The following PIGN variants were observed in gnomAD, a reference collection of about 807,000 sequenced individuals.
PIGN encodes the protein GPI ethanolamine phosphate transferase 1.
A neutral mutation model predicts 125.4 loss-of-function variants in PIGN; 117 were observed. The ratio of observed to expected loss-of-function variants is 0.93; its 90% CI spans 0.80 to 1.09. The LOEUF (loss-of-function observed/expected upper bound fraction) is 1.09, where lower values mean the gene tolerates loss of function less well. PIGN is among the 50% of genes least tolerant of loss of function. The pLI, the probability that PIGN is intolerant of heterozygous loss-of-function variation, is 0.00. For missense variants in PIGN, 1,075 were observed against 1,094.9 expected, an observed-to-expected ratio of 0.98 and a Z score of 0.26; for synonymous variants, 392 against 377.8, an observed-to-expected ratio of 1.04 and a Z score of -0.44.
At chr18:62,086,063 AC>A (rs961007520) in intron 25 of PIGN, among the ~76,000 whole-genome samples, 1 of 152,236 alleles carries the variant, frequency 6.6e-6, no homozygotes, top group Non-Finnish European at 1.5e-5. Flanking sequence ...CATCTAAGCA[AC>A]CGTTTATTGT....
intron 14 of PIGN, among the ~76,000 whole-genome samples, chr18:62,117,383 T>C (rs1568193897): frequency 6.6e-6 from 1 of 151,044 alleles, no homozygotes; most frequent in Non-Finnish European, 1.5e-5. Flanking sequence ...GGCAGAGGAG[T>C]AATTAAAGGA....
At position 62,061,061 on chromosome 18, in the gene PIGN, C is replaced by T. The variant is rs1350081417; in HGVS notation, c.2672+11612G>A. Among the ~76,000 whole-genome samples the T allele has an allele frequency of 2.0e-5, 3 of 152,182 alleles. No homozygotes were observed. The East Asian group carries it at 5.8e-4, about 29-fold the overall frequency. On this transcript the variant is annotated intron_variant, in intron 30 of 30. Coordinates refer to ENST00000640252, the MANE Select transcript of PIGN (RefSeq NM_176787.5). ...AGGTTCTCAAGAGAAACACTGAACT[C>T]ACACCAGTAGTTTCAGCTGAATACA...
At chr18:62,140,367 G>A (rs1459627362) in intron 12 of PIGN, 53 bp downstream of exon 12, 8 of 792,994 alleles carry the variant, frequency 1.0e-5, no homozygotes, top group South Asian at 5.1e-5. Flanking sequence ...ACATTTTACT[G>A]TGCGATAGTT....
At position 62,130,072 on chromosome 18, in the gene PIGN, T is replaced by C. The variant is rs770880564; in HGVS notation, c.1172+8171A>G. ...AGCTACAAGCCAAGGAAACCGAGGATTGCTTGCAGCCCCCAGAAGCTAGGT... is the reference window on the plus strand; with the variant it reads ...AGCTACAAGCCAAGGAAACCGAGGACTGCTTGCAGCCCCCAGAAGCTAGGT... On this transcript the variant is annotated intron_variant, in intron 14 of 30. Coordinates refer to ENST00000640252, the MANE Select transcript of PIGN (RefSeq NM_176787.5). 2.8e-4 allele frequency among the ~76,000 whole-genome samples: 42 copies of C among 152,234 alleles called. 1 individual carries two copies. Among genetic ancestry groups the C allele is most frequent in the Non-Finnish European group, 5.4e-4 (37 of 68,006 alleles).
chr18:62,116,467 G>A (rs2035090447), intron 14 of PIGN, among the ~76,000 whole-genome samples: 1 of 152,116 alleles, frequency 6.6e-6, no homozygotes, highest in Admixed American at 6.5e-5. Flanking sequence ...TATCGCAAAT[G>A]TGTACCCTCA....
chr18:62,114,523 T>C (rs1245432001), intron 15 of PIGN, 38 bp downstream of exon 15: 1 of 1,244,530 alleles, frequency 8.0e-7, no homozygotes, highest in Non-Finnish European at 1.2e-6. Flanking sequence ...CCCAAAATGA[T>C]AATCAGCTAT....
At chr18:62,081,816 A>G (rs574670222) in intron 28 of PIGN, among the ~76,000 whole-genome samples, 3 of 152,264 alleles carry the variant, frequency 2.0e-5, no homozygotes, top group African/African-American at 4.8e-5. Context: ...TCCTGCAAAA[A>G]TATACTAAAA....
chr18:62,076,184 C>T (rs575805030), intron 28 of PIGN, among the ~76,000 whole-genome samples: 1 of 152,278 alleles, frequency 6.6e-6, no homozygotes, highest in South Asian at 2.1e-4. Flanking sequence ...CCGCCCGCCT[C>T]GGCCTCCCAA....
chr18:62,046,515 G>A (rs1189797681), intron 30 of PIGN, among the ~76,000 whole-genome samples: 1 of 81,570 alleles, frequency 1.2e-5, no homozygotes, highest in African/African-American at 3.5e-5. Flanking sequence ...AGAATCTAAC[G>A]AATGCCTGAT....
chr18:62,180,710 T>C (rs570070017), intron 1 of PIGN, among the ~76,000 whole-genome samples: 1 of 152,320 alleles, frequency 6.6e-6, no homozygotes, highest in East Asian at 1.9e-4. Flanking sequence ...ATTTGACTTG[T>C]ACATTACAAT....
At chr18:62,155,913 C>T (rs1263105948) in intron 6 of PIGN, among the ~76,000 whole-genome samples, 1 of 152,158 alleles carries the variant, frequency 6.6e-6, no homozygotes, top group Non-Finnish European at 1.5e-5. Context: ...CTTTTTGGTC[C>T]GCCCAGTATA....
chr18:62,101,245 G>C (rs1282828787), intron 21 of PIGN, 62 bp from the exon 22 acceptor site: 5 of 889,668 alleles, frequency 5.6e-6, no homozygotes, highest in Non-Finnish European at 9.1e-6. Context: ...TAACTAGCAA[G>C]AATGTAAGAC....
chr18:62,148,420 T>C (rs1230335413), intron 7 of PIGN, 82 bp from the exon 8 acceptor site: 2 of 960,278 alleles, frequency 2.1e-6, no homozygotes, highest in East Asian at 3.2e-5. Flanking sequence ...TTTAAATTTA[T>C]GCATAAGTAC....
Position 62,161,160 on chromosome 18 carries a change from T to C in PIGN, c.194A>G (p.Asn65Ser), listed in dbSNP as rs1335814559. ...AATAAACGGTGCTCTAGAGTTTCCA[T>C]TTTCATCTAATTCGTAAAGTGCATC... The part of the protein sequence containing the change: ...RADALYELDE[N>S]GNSRAPFIRN... Residue 65 changes from asparagine (N) to serine (S), a missense_variant, in exon 4 of 31, where the codon AAT (asparagine) becomes AGT (serine). Coordinates refer to ENST00000640252, the MANE Select transcript of PIGN (RefSeq NM_176787.5). 3.1e-6 allele frequency: 5 copies of C among 1,613,164 alleles called. No individual in the cohort carries two copies. The highest frequency in any genetic ancestry group is 4.2e-6 in the Non-Finnish European group (5 of 1,179,286).
chr18:62,032,668 A>T lies in PIGN; in HGVS notation c.2143-14927T>A, dbSNP rs28419775. Among the ~76,000 whole-genome samples the T allele has an allele frequency of 1.9e-3, 285 of 152,278 alleles. 1 individual carries two copies. The highest frequency in any genetic ancestry group is 6.4e-3 in the East Asian group (33 of 5,188). On this transcript the variant is annotated intron_variant, in intron 23 of 24. Transcript: ENST00000639600. ...AAACTATGCATTTAAAATTTTTTTT[A>T]AAAGTCTCATTGTTTACTAGCTGTG...
intron 21 of PIGN, among the ~76,000 whole-genome samples, chr18:62,102,095 C>T (rs1568176529): frequency 6.6e-6 from 1 of 151,598 alleles, no homozygotes; most frequent in Non-Finnish European, 1.5e-5. Flanking sequence ...GGCGTAGTGG[C>T]TCTCGCCTGT....
At chr18:62,161,861 A>G (rs2036963848) in intron 3 of PIGN, among the ~76,000 whole-genome samples, 1 of 148,748 alleles carries the variant, frequency 6.7e-6, no homozygotes, top group Non-Finnish European at 1.5e-5. Flanking sequence ...ATGTTGCTGA[A>G]TTGATTTAAA....
rs2147270078 is a variant in PIGN, at chr18:62,145,979, G to A, written c.852C>T (p.Val284=). Reference sequence around the variant, plus strand: ...GATACTTGATTCCAGCTCCCCAAGTGACTAAAGGAGTTAAAGTCTCTGAAG... The same window carrying A: ...GATACTTGATTCCAGCTCCCCAAGTAACTAAAGGAGTTAAAGTCTCTGAAG... ...GHPSETLTPL[V]TWGAGIKYPQ... Residue 284 remains valine, a synonymous_variant, in exon 10 of 31, where the codon GTC becomes GTT. Transcript: ENST00000640252. 1.9e-6 allele frequency: 3 copies of A among 1,607,892 alleles called. No homozygotes were observed. Among genetic ancestry groups the A allele is most frequent in the Non-Finnish European group, 2.6e-6 (3 of 1,176,164 alleles).
At chr18:62,088,065 C>A (rs1284298717) in intron 25 of PIGN, among the ~76,000 whole-genome samples, 1 of 151,996 alleles carries the variant, frequency 6.6e-6, no homozygotes, top group Non-Finnish European at 1.5e-5. Flanking sequence ...GTGAGGCAAT[C>A]GATATGATAA....
Sources: allele counts gnomAD v4.1 joint callset (sites outside exome capture counted in the v4.1 genomes callset), GRCh38; gene constraint gnomAD v4.1.1; transcripts MANE v1.5; gene names NCBI Gene and HGNC (gene_info 2026-07-23, HGNC 2026-07-21).